DEPTOR: variants seen among roughly 807,000 people sequenced by gnomAD.
DEPTOR encodes DEP domain containing MTOR interacting protein.
Under a neutral mutation model 41.6 loss-of-function variants are expected in DEPTOR, and 41 were observed. The observed-to-expected ratio is 0.98, with a 90% CI of 0.77 to 1.28. The LOEUF (loss-of-function observed/expected upper bound fraction) is 1.28. DEPTOR is among the 50% of genes most tolerant of loss of function. The pLI, the probability that DEPTOR is intolerant of heterozygous loss-of-function variation, is 0.00. For missense variants in DEPTOR, 514 were observed against 527.9 expected, an observed-to-expected ratio of 0.97 and a Z score of 0.26; for synonymous variants, 195 against 192.3, an observed-to-expected ratio of 1.01 and a Z score of -0.12.
At chr8:120,042,488 C>T (rs781581176) in intron 8 of DEPTOR, among the ~76,000 whole-genome samples, 101 of 152,140 alleles carry the variant, frequency 6.6e-4, no homozygotes, top group Non-Finnish European at 1.1e-3. Context: ...GGACAGATGA[C>T]GTCTTTTCTA....
chr8:120,038,693 T>C (rs1813015637), intron 8 of DEPTOR, among the ~76,000 whole-genome samples: 1 of 152,036 alleles, frequency 6.6e-6, no homozygotes, highest in East Asian at 1.9e-4. Flanking sequence ...CTCATCTATG[T>C]GGTATCTGTG....
intron 1 of DEPTOR, among the ~76,000 whole-genome samples, chr8:119,876,653 A>G (rs1204420826): frequency 6.6e-6 from 1 of 151,294 alleles, no homozygotes; most frequent in Non-Finnish European, 1.5e-5. Flanking sequence ...AAAAAAAAGA[A>G]GAAGAAGGAT....
At chr8:119,916,449 A>G (rs1378933447) in intron 1 of DEPTOR, among the ~76,000 whole-genome samples, 1 of 152,118 alleles carries the variant, frequency 6.6e-6, no homozygotes, top group East Asian at 1.9e-4. Context: ...CTCAGCTCTG[A>G]TAGTGTATTA....
intron 4 of DEPTOR, among the ~76,000 whole-genome samples, chr8:119,999,353 T>C (rs1056960973): frequency 1.3e-5 from 2 of 152,154 alleles, no homozygotes; most frequent in Admixed American, 6.5e-5. Context: ...AATTAGAACA[T>C]ATAAGACACT....
At chr8:120,040,197 G>C (rs184056058) in intron 8 of DEPTOR, among the ~76,000 whole-genome samples, 1 of 152,260 alleles carries the variant, frequency 6.6e-6, no homozygotes, top group East Asian at 1.9e-4. Flanking sequence ...TCTTGCATGA[G>C]GCAGTTAATG....
intron 8 of DEPTOR, among the ~76,000 whole-genome samples, chr8:120,014,990 A>T (rs932462268): frequency 6.6e-6 from 1 of 152,088 alleles, no homozygotes. Context: ...GATCCTCTAG[A>T]AGACATCCTC....
At chr8:119,921,947 C>T (rs867915474) in intron 1 of DEPTOR, among the ~76,000 whole-genome samples, 10 of 151,654 alleles carry the variant, frequency 6.6e-5, no homozygotes, top group African/African-American at 2.4e-4. Flanking sequence ...AGTATTTAAA[C>T]ATAAATAGGC....
chr8:119,947,152 C>G (rs1328109552), intron 3 of DEPTOR, among the ~76,000 whole-genome samples: 1 of 152,154 alleles, frequency 6.6e-6, no homozygotes, highest in Non-Finnish European at 1.5e-5. Flanking sequence ...ATCATAGCAC[C>G]CAACTGCAGT....
intron 8 of DEPTOR, among the ~76,000 whole-genome samples, chr8:120,018,395 T>C (rs898656414): frequency 6.6e-6 from 1 of 152,134 alleles, no homozygotes; most frequent in African/African-American, 2.4e-5. Flanking sequence ...CTGGCCAACA[T>C]GGCGAAACCC....
intron 8 of DEPTOR, among the ~76,000 whole-genome samples, chr8:120,045,739 T>G (rs1813144440): frequency 6.6e-6 from 1 of 152,210 alleles, no homozygotes; most frequent in African/African-American, 2.4e-5. Context: ...ACAAGTTCAA[T>G]GTCAGATCAT....
rs35599330 is a variant in DEPTOR at position 120,013,840 on chromosome 8, CTT to C, written c.1101+4723_1101+4724del. On this transcript the variant is annotated intron_variant, in intron 8 of 8. Transcript: ENST00000286234. ...GATTTTCACACTTTTGCTATGACTA[CTT>C]TTTTTTTTTTTTTTTGAGATGGAGT... 6.3e-3 allele frequency among the ~76,000 whole-genome samples: 816 copies of C among 129,806 alleles called. 9 individuals are homozygous for C. Among genetic ancestry groups the C allele is most frequent in the Admixed American group, 8.2e-3 (103 of 12,600 alleles). 85.2% of individuals were successfully genotyped at this position (129,806 alleles called of 152,430 possible).
intron 7 of DEPTOR, 61 bp from the exon 8 acceptor site, chr8:120,008,968 G>A: frequency 6.5e-7 from 1 of 1,541,552 alleles, no homozygotes; most frequent in South Asian, 1.1e-5. Flanking sequence ...CTCTCCCTCA[G>A]AAGAATAAGC....
chr8:119,942,753 T>C (rs1563972036), intron 3 of DEPTOR, among the ~76,000 whole-genome samples: 1 of 152,208 alleles, frequency 6.6e-6, no homozygotes. Context: ...GTTCTTATCC[T>C]GCCCCTTATT....
intron 3 of DEPTOR, among the ~76,000 whole-genome samples, chr8:119,952,617 G>A (rs1030072944): frequency 2.6e-5 from 4 of 152,274 alleles, no homozygotes; most frequent in African/African-American, 7.2e-5. Context: ...TGTTCCCCCC[G>A]GGCCGTGTCC....
intron 5 of DEPTOR, 126 bp downstream of exon 5, chr8:120,001,836 G>C: frequency 8.5e-7 from 1 of 1,181,076 alleles, no homozygotes; most frequent in Non-Finnish European, 1.1e-6. Context: ...TCATAACCAA[G>C]AAGCATGAAA....
chr8:119,918,606 A>G lies in DEPTOR; in HGVS notation c.123-9794A>G, dbSNP rs964323548. ...CTCCCGAGTAGCTGGGACTACAGGC[A>G]CGTGCCACCATGCCCAGCTAATTTT... On this transcript the variant is annotated intron_variant, in intron 1 of 8. Coordinates refer to ENST00000286234, the MANE Select transcript of DEPTOR (RefSeq NM_022783.4). 5.3e-5 allele frequency among the ~76,000 whole-genome samples: 8 copies of G among 152,068 alleles called. No individual in the cohort carries two copies. The South Asian group carries it at 6.2e-4, about 12-fold the overall frequency.
At chr8:119,903,509 C>T (rs1326440041) in intron 1 of DEPTOR, among the ~76,000 whole-genome samples, 2 of 152,174 alleles carry the variant, frequency 1.3e-5, no homozygotes, top group Non-Finnish European at 2.9e-5. Context: ...ATCTTTATGT[C>T]ATCAACATAG....
At chr8:119,979,413 A>T (rs1828735054) in intron 4 of DEPTOR, among the ~76,000 whole-genome samples, 1 of 151,776 alleles carries the variant, frequency 6.6e-6, no homozygotes, top group Non-Finnish European at 1.5e-5. Flanking sequence ...AGTAGCTGGG[A>T]CTATGGGCGT....
At chr8:120,017,894 T>C (rs565802406) in intron 8 of DEPTOR, among the ~76,000 whole-genome samples, 3 of 152,324 alleles carry the variant, frequency 2.0e-5, no homozygotes, top group African/African-American at 4.8e-5. Flanking sequence ...CCTGCCGTGA[T>C]GAATTGATGG....
Sources: gnomAD v4.1 joint callset for allele counts (sites outside exome capture counted in the v4.1 genomes callset) on GRCh38, gnomAD v4.1.1 for gene constraint, MANE v1.5 for transcripts, NCBI Gene and HGNC (gene_info 2026-07-23, HGNC 2026-07-21) for gene names.